The following AGAP1 variants were observed in gnomAD, a reference collection of about 807,000 sequenced individuals.
AGAP1 encodes the protein arf-GAP with GTPase, ANK repeat and PH domain-containing protein 1.
AGAP1 carries 29 observed loss-of-function variants against 105.3 expected under a neutral mutation model. The observed-to-expected ratio is 0.28, with a 90% CI of 0.21 to 0.38. The LOEUF (loss-of-function observed/expected upper bound fraction) is 0.38. Among genes scored for constraint, AGAP1 ranks in the 10% least tolerant of loss-of-function variants. The pLI, the probability that AGAP1 is intolerant of heterozygous loss-of-function variation, is 1.00. For synonymous variants in AGAP1, 509 were observed against 485.9 expected, an observed-to-expected ratio of 1.05 and a Z score of -0.63; for missense variants, 998 against 1,165.1, an observed-to-expected ratio of 0.86 and a Z score of 2.09.
rs1944019452 is a variant in AGAP1, at chr2:235,557,796, C to T, written c.163+62947C>T. On this transcript the variant is annotated intron_variant, in intron 1 of 17. Transcript: ENST00000304032. This position sits in a 1 kb window ranked among gnomAD's most constrained non-coding sequence, Gnocchi z 4.7. ...GTGCTGGGGTTGTGCCTTATGAAAA[C>T]AACGGACTTGGCTACATTTCGACAA... Among the ~76,000 whole-genome samples the T allele has an allele frequency of 6.6e-6, 1 of 152,166 alleles. No individual in the cohort carries two copies. Among genetic ancestry groups the T allele is most frequent in the Non-Finnish European group, 1.5e-5 (1 of 68,044 alleles).
chr2:235,571,962 A>C (rs866790274), intron 1 of AGAP1, among the ~76,000 whole-genome samples: 1 of 42,348 alleles, frequency 2.4e-5, no homozygotes, highest in Non-Finnish European at 4.5e-5. Context: ...GTGTGTGTAT[A>C]CATATATATG....
Position 236,124,996 on chromosome 2 carries a change from A to G in AGAP1, c.*874A>G, listed in dbSNP as rs1301496901. 1.2e-5 allele frequency: 2 copies of G among 166,766 alleles called. No homozygotes were observed. The highest frequency in any genetic ancestry group is 2.9e-5 in the Non-Finnish European group (2 of 68,126). 10.3% of individuals were successfully genotyped at this position (166,766 alleles called of 1,614,324 possible). The stretch of plus-strand genomic sequence containing the variant: ...TGCAAAAACAAAATGGGAAAAATAA[A>G]TAAGAATAACTCAGAAACTCAAAAG... On this transcript the variant is annotated 3_prime_UTR_variant, in exon 18 of 18. Transcript: ENST00000304032. The surrounding 1 kb of genome is among the most constrained non-coding windows in gnomAD (Gnocchi z 5.1).
intron 1 of AGAP1, among the ~76,000 whole-genome samples, chr2:235,562,579 A>G (rs1944193682): frequency 6.6e-6 from 1 of 151,910 alleles, no homozygotes; most frequent in Non-Finnish European, 1.5e-5. Context: ...GGCCTGGCAG[A>G]CTCAGGACTA....
chr2:235,564,817 G>A (rs1944291547), intron 1 of AGAP1, among the ~76,000 whole-genome samples: 3 of 146,642 alleles, frequency 2.0e-5, no homozygotes, highest in South Asian at 2.2e-4. Flanking sequence ...CCCACGGCCA[G>A]GTGTGAGCCT....
At position 236,002,752 on chromosome 2, in the gene AGAP1, A is replaced by G. The variant is rs999565647; in HGVS notation, c.1646-33809A>G. Reference sequence around the variant, plus strand: ...AGATTTCATAGAAGTATTGAATTTTACCAAAAGTTTCAGAAGTCCAATTCA... The same window carrying G: ...AGATTTCATAGAAGTATTGAATTTTGCCAAAAGTTTCAGAAGTCCAATTCA... On this transcript the variant is annotated intron_variant, in intron 13 of 17. Coordinates refer to ENST00000304032, the MANE Select transcript of AGAP1 (RefSeq NM_001037131.3). This position sits in a 1 kb window ranked among gnomAD's most constrained non-coding sequence, Gnocchi z 4.3. Among the ~76,000 whole-genome samples the G allele has an allele frequency of 6.6e-6, 1 of 152,190 alleles. No homozygotes were observed. Among genetic ancestry groups the G allele is most frequent in the Non-Finnish European group, 1.5e-5 (1 of 68,036 alleles).
chr2:235,738,624 C>T (rs1952391975), intron 3 of AGAP1, among the ~76,000 whole-genome samples: 1 of 151,274 alleles, frequency 6.6e-6, no homozygotes, highest in Non-Finnish European at 1.5e-5. Flanking sequence ...GTGGCGCAAT[C>T]TCGGCTCCCT....
At chr2:235,861,606 G>A (rs573458653) in intron 9 of AGAP1, among the ~76,000 whole-genome samples, 1 of 152,210 alleles carries the variant, frequency 6.6e-6, no homozygotes, top group Non-Finnish European at 1.5e-5. Context: ...TAGCAGGGCA[G>A]CCTCTGCCTG....
intron 12 of AGAP1, among the ~76,000 whole-genome samples, chr2:235,941,743 A>G (rs535734437): frequency 2.0e-5 from 3 of 152,170 alleles, no homozygotes; most frequent in African/African-American, 4.8e-5. Context: ...AGATGGACAC[A>G]TCAGTTGATC....
chr2:235,819,175 G>A (rs183609701), intron 9 of AGAP1, among the ~76,000 whole-genome samples: 6 of 149,934 alleles, frequency 4.0e-5, no homozygotes, highest in African/African-American at 1.5e-4. Context: ...ATAAAATGGT[G>A]CAATATCTTG....
At chr2:235,606,945 GAAA>G (rs5839603) in intron 1 of AGAP1, among the ~76,000 whole-genome samples, 1 of 61,934 alleles carries the variant, frequency 1.6e-5, no homozygotes, top group Non-Finnish European at 3.0e-5. Context: ...ACTGCCTCTT[GAAA>G]AAAAAAAAAA....
rs185914390 is a variant in AGAP1 at position 236,081,811 on chromosome 2, A to G, written c.2114+32530A>G. Among the ~76,000 whole-genome samples, 148 of 152,342 alleles carry G rather than the reference A, an allele frequency of 9.7e-4. 1 individual carries two copies. Among genetic ancestry groups the G allele is most frequent in the Non-Finnish European group, 2.0e-3 (133 of 68,034 alleles). On this transcript the variant is annotated intron_variant, in intron 16 of 17. Transcript: ENST00000304032. ...AATGTCATTATCCAGAAAAGCTGCA[A>G]TAGCTCATGCATTTGATGGTCTAAA...
At chr2:235,775,682 A>C (rs965416050) in intron 6 of AGAP1, 2 of 152,122 alleles carry the variant, frequency 1.3e-5, no homozygotes, top group African/African-American at 4.8e-5. Context: ...TTTAGTAATG[A>C]TGATACTTTG....
At chr2:236,016,597 G>A (rs2056712190) in intron 13 of AGAP1, among the ~76,000 whole-genome samples, 1 of 152,130 alleles carries the variant, frequency 6.6e-6, no homozygotes, top group African/African-American at 2.4e-5. Flanking sequence ...GGTGACACGG[G>A]ACCCAGTAGA....
chr2:235,646,688 C>T (rs1947398782), intron 1 of AGAP1, among the ~76,000 whole-genome samples: 1 of 152,200 alleles, frequency 6.6e-6, no homozygotes, highest in Admixed American at 6.5e-5. Flanking sequence ...CCCTGAACAA[C>T]AACTAGAGAT....
In AGAP1 at chr2:235,691,627, C is replaced by A. The variant is rs1949738881; in HGVS notation, c.164-17552C>A. Reference sequence around the variant, plus strand: ...GTTGACAAGTGCTGGACAGTGGACACCAGCGGGAGACTCAGTACAAATCAT... The same window carrying A: ...GTTGACAAGTGCTGGACAGTGGACAACAGCGGGAGACTCAGTACAAATCAT... On this transcript the variant is annotated intron_variant, in intron 1 of 17. Coordinates refer to ENST00000304032, the MANE Select transcript of AGAP1 (RefSeq NM_001037131.3). The surrounding 1 kb of genome is among the most constrained non-coding windows in gnomAD (Gnocchi z 4.4). 6.6e-6 allele frequency among the ~76,000 whole-genome samples: 1 copy of A among 152,230 alleles called. No individual in the cohort carries two copies. The highest frequency in any genetic ancestry group is 2.4e-5 in the African/African-American group (1 of 41,454).
chr2:235,798,870 CAAAAAAAA>C (rs1041317180), intron 7 of AGAP1, among the ~76,000 whole-genome samples: 2 of 49,028 alleles, frequency 4.1e-5, no homozygotes, highest in South Asian at 1.6e-3. Flanking sequence ...GACCCTGTCT[CAAAAAAAA>C]AAAAAAAAAA....
chr2:235,795,903 A>C (rs1007782440), intron 6 of AGAP1, among the ~76,000 whole-genome samples: 5 of 152,240 alleles, frequency 3.3e-5, no homozygotes, highest in Non-Finnish European at 7.3e-5. Flanking sequence ...AGGATAGAAC[A>C]TTCATTTGCA....
In AGAP1 at chr2:235,670,992, T is replaced by C. The variant is rs1339828483; in HGVS notation, c.164-38187T>C. 3.0e-6 allele frequency: 4 copies of C among 1,324,264 alleles called. No homozygotes were observed. The East Asian group carries it at 9.3e-5, about 31-fold the overall frequency. The allele number at this position is 1,324,264 out of a possible 1,614,324, so 82.0% of individuals were successfully genotyped here. ...TCGCGGCCACGCGGCTACTTCAGCC[T>C]GCGGCGGGCCCCGGCCGAAGCGCAC... On this transcript the variant is annotated intron_variant, in intron 1 of 17. Transcript: ENST00000304032.
chr2:235,798,512 G>A (rs1222530893), intron 7 of AGAP1, among the ~76,000 whole-genome samples: 4 of 152,028 alleles, frequency 2.6e-5, no homozygotes, highest in South Asian at 2.1e-4. Flanking sequence ...GTTCGGTGTC[G>A]TACTTTCAGT....
Sources: allele counts gnomAD v4.1 joint callset (sites outside exome capture counted in the v4.1 genomes callset), GRCh38; gene constraint gnomAD v4.1.1; non-coding constraint Gnocchi (gnomAD v3.1); transcripts MANE v1.5; gene names NCBI Gene and HGNC (gene_info 2026-07-23, HGNC 2026-07-21).